Variants in SPON1 observed in about 807,000 individuals in gnomAD.
SPON1 encodes spondin 1.
SPON1 carries 52 observed loss-of-function variants against 111.7 expected under a neutral mutation model. The observed-to-expected ratio is 0.47, with a 90% CI of 0.37 to 0.59. The LOEUF (loss-of-function observed/expected upper bound fraction) is 0.59, where lower values mean the gene tolerates loss of function less well. Among genes scored for constraint, SPON1 ranks in the 20% least tolerant of loss-of-function variants. The pLI, the probability that SPON1 is intolerant of heterozygous loss-of-function variation, is 0.00. For synonymous variants in SPON1, 410 were observed against 395.8 expected (o/e 1.04, Z -0.43); for missense variants, 957 against 1,068.5 (o/e 0.90, Z 1.46).
chr11:13,996,216 C>T (rs1564882004), intron 2 of SPON1, among the ~76,000 whole-genome samples: 1 of 152,052 alleles, frequency 6.6e-6, no homozygotes, highest in East Asian at 1.9e-4. Flanking sequence ...CATTCTGTCC[C>T]TTCCCCTTCC....
chr11:14,133,745 A>T lies in SPON1; in HGVS notation c.677-1675A>T, dbSNP rs541122631. On this transcript the variant is annotated intron_variant, in intron 5 of 15. Transcript: ENST00000576479. ...GCTAGGACTCTTCACCCAGGAAATGAGTTAGAGAAACGGCTGGCAGCATCT... is the reference window on the plus strand; with the variant it reads ...GCTAGGACTCTTCACCCAGGAAATGTGTTAGAGAAACGGCTGGCAGCATCT... Among the ~76,000 whole-genome samples, 8 of 152,314 alleles carry T rather than the reference A, an allele frequency of 5.3e-5. No individual in the cohort carries two copies. The East Asian group carries it at 1.5e-3, about 29-fold the overall frequency.
intron 3 of SPON1, among the ~76,000 whole-genome samples, chr11:14,050,622 G>A (rs1356696062): frequency 1.3e-5 from 2 of 152,046 alleles, no homozygotes; most frequent in Non-Finnish European, 2.9e-5. Context: ...AAGTTTATAA[G>A]CAGGTAGTTT....
At chr11:14,003,643 A>C (rs1554912740) in intron 2 of SPON1, among the ~76,000 whole-genome samples, 17 of 152,290 alleles carry the variant, frequency 1.1e-4, no homozygotes, top group African/African-American at 3.8e-4. Context: ...GAAGGGACCT[A>C]CATAAGCACT....
intron 5 of SPON1, among the ~76,000 whole-genome samples, chr11:14,132,572 C>G (rs1324239493): frequency 1.3e-5 from 2 of 152,148 alleles, no homozygotes; most frequent in African/African-American, 4.8e-5. Context: ...CATCTGTTTC[C>G]CCTGCCCCCA....
chr11:14,060,577 T>C (rs1848784123), intron 3 of SPON1, among the ~76,000 whole-genome samples: 1 of 152,188 alleles, frequency 6.6e-6, no homozygotes, highest in South Asian at 2.1e-4. Context: ...CCTGGCTGCA[T>C]ATTGGAATCA....
At chr11:14,114,139 T>G (rs1192159186) in intron 5 of SPON1, among the ~76,000 whole-genome samples, 1 of 152,224 alleles carries the variant, frequency 6.6e-6, no homozygotes, top group Non-Finnish European at 1.5e-5. Flanking sequence ...TATTAAATAC[T>G]AGGTCTTATT....
In SPON1 at chr11:14,259,848, A is replaced by T. The variant is rs1849153229; in HGVS notation, c.1831+147A>T. On this transcript the variant is annotated intron_variant, in intron 13 of 15. Coordinates refer to ENST00000576479, the MANE Select transcript of SPON1 (RefSeq NM_006108.4). This position sits in a 1 kb window ranked among gnomAD's most constrained non-coding sequence, Gnocchi z 5.0. Reference sequence around the variant, plus strand: ...CTTGCTGGGCACTGCTGGGAGCCAGATGAGAGACATAGGTGTGTAGACATC... The same window carrying T: ...CTTGCTGGGCACTGCTGGGAGCCAGTTGAGAGACATAGGTGTGTAGACATC... 1 of 866,396 alleles carries T rather than the reference A, an allele frequency of 1.2e-6. No homozygotes were observed. The highest frequency in any genetic ancestry group is 1.8e-6 in the Non-Finnish European group (1 of 565,784). 53.7% of individuals were successfully genotyped at this position (866,396 alleles called of 1,614,324 possible).
intron 5 of SPON1, among the ~76,000 whole-genome samples, chr11:14,090,721 G>T (rs1406494634): frequency 6.6e-6 from 1 of 151,402 alleles, no homozygotes; most frequent in African/African-American, 2.4e-5. Context: ...GTGAGCAGCA[G>T]CAAGATTTAT....
rs551896655 is a variant in SPON1, at chr11:14,207,586, T to C, written c.826-35746T>C. 1.1e-4 allele frequency among the ~76,000 whole-genome samples: 16 copies of C among 152,190 alleles called. No homozygotes were observed. The South Asian group carries it at 3.3e-3, about 32-fold the overall frequency. On this transcript the variant is annotated intron_variant, in intron 6 of 15. Transcript: ENST00000576479. ...CAGATACTCTTCAAAAGAAGACATA[T>C]GCGACTAACAACCATATGAAAAAAA...
chr11:14,201,195 C>T (rs1554935597), intron 6 of SPON1, among the ~76,000 whole-genome samples: 1 of 151,770 alleles, frequency 6.6e-6, no homozygotes, highest in Non-Finnish European at 1.5e-5. Context: ...AAAAAATTAG[C>T]CAGGCGTGGT....
At chr11:14,086,586 G>C (rs927081006) in intron 5 of SPON1, among the ~76,000 whole-genome samples, 15 of 152,230 alleles carry the variant, frequency 9.9e-5, no homozygotes, top group African/African-American at 3.1e-4. Context: ...ATGTTCATCA[G>C]GGATATTGAC....
At chr11:14,127,072 C>T (rs1554927063) in intron 5 of SPON1, among the ~76,000 whole-genome samples, 1 of 152,088 alleles carries the variant, frequency 6.6e-6, no homozygotes, top group Non-Finnish European at 1.5e-5. Context: ...CTGCATTTTC[C>T]CTGCTCTATT....
At chr11:14,176,706 C>T (rs1329179239) in intron 6 of SPON1, among the ~76,000 whole-genome samples, 1 of 152,132 alleles carries the variant, frequency 6.6e-6, no homozygotes, top group South Asian at 2.1e-4. Flanking sequence ...CACATTGGGT[C>T]GGCAGTGCCC....
intron 2 of SPON1, among the ~76,000 whole-genome samples, chr11:14,028,722 C>T (rs564058194): frequency 1.3e-5 from 2 of 152,292 alleles, no homozygotes; most frequent in African/African-American, 4.8e-5. Flanking sequence ...CCCTTCTGGG[C>T]TCTGTACACA....
chr11:14,203,269 T>C lies in SPON1; in HGVS notation c.826-40063T>C, dbSNP rs572944595. The stretch of plus-strand genomic sequence containing the variant: ...GGGTAATTCACTGAAATCTTGACAT[T>C]TAATATCACCCAATCACCTCTCTAG... On this transcript the variant is annotated intron_variant, in intron 6 of 15. Coordinates refer to ENST00000576479, the MANE Select transcript of SPON1 (RefSeq NM_006108.4). Among the ~76,000 whole-genome samples the C allele has an allele frequency of 6.6e-5, 10 of 152,304 alleles. No homozygotes were observed. In the East Asian group the frequency reaches 1.9e-3, roughly 29 times the overall value.
chr11:14,191,702 A>G (rs1359671743), intron 6 of SPON1, among the ~76,000 whole-genome samples: 1 of 152,210 alleles, frequency 6.6e-6, no homozygotes, highest in Admixed American at 6.5e-5. Context: ...GCCTGTGCAT[A>G]TTTTTAGAAC....
chr11:14,111,734 A>T (rs1554925468), intron 5 of SPON1, among the ~76,000 whole-genome samples: 5 of 152,144 alleles, frequency 3.3e-5, no homozygotes. Flanking sequence ...ATTTGCAAGG[A>T]TTCTTGGGTT....
chr11:14,003,110 C>G (rs575505612), intron 2 of SPON1, among the ~76,000 whole-genome samples: 1 of 152,138 alleles, frequency 6.6e-6, no homozygotes, highest in Non-Finnish European at 1.5e-5. Context: ...TCCTCAGTAT[C>G]GCAGAGGGAG....
At position 14,135,146 on chromosome 11, in the gene SPON1, T is replaced by A; in HGVS notation, c.677-274T>A. 3.2e-6 allele frequency: 1 copy of A among 308,546 alleles called. No individual in the cohort carries two copies. The highest frequency in any genetic ancestry group is 6.0e-6 in the Non-Finnish European group (1 of 165,944). The allele number at this position is 308,546 out of a possible 1,614,324, so 19.1% of individuals were successfully genotyped here. A position where few individuals can be genotyped will look rare whatever the true frequency, so the allele number is the denominator to read the frequency against. The stretch of plus-strand genomic sequence containing the variant: ...TCAGCCTTTAACGTTCTCTCAACTA[T>A]CCCCTTCTCTGAGACCTTCCTAGAC... On this transcript the variant is annotated intron_variant, in intron 5 of 15. Coordinates refer to ENST00000576479, the MANE Select transcript of SPON1 (RefSeq NM_006108.4). This position sits in a 1 kb window ranked among gnomAD's most constrained non-coding sequence, Gnocchi z 4.4.
Sources: gnomAD v4.1 joint callset for allele counts (sites outside exome capture counted in the v4.1 genomes callset) on GRCh38, gnomAD v4.1.1 for gene constraint, Gnocchi (gnomAD v3.1) non-coding constraint, MANE v1.5 for transcripts, NCBI Gene and HGNC (gene_info 2026-07-23, HGNC 2026-07-21) for gene names.